Variants in CENPI observed in about 807,000 individuals in gnomAD.
The protein encoded by CENPI is centromere protein I.
CENPI carries 4 observed loss-of-function variants against 60.4 expected under a neutral mutation model. The observed-to-expected ratio is 0.07, with a 90% CI of 0.03 to 0.15. CENPI has a LOEUF of 0.15. Ranked by LOEUF, CENPI falls within the 10% of genes least tolerant of loss-of-function variation. The pLI is 1.00. For synonymous variants in CENPI, 157 were observed against 189.4 expected, an observed-to-expected ratio of 0.83 and a Z score of 1.40; for missense variants, 444 against 534.5, an observed-to-expected ratio of 0.83 and a Z score of 1.67.
At chrX:101,102,496 T>TAC (rs35162075) in intron 4 of CENPI, 85 bp downstream of exon 4, 26,917 of 248,517 alleles carry the variant, frequency 0.11, 1,138 homozygotes, top group African/African-American at 0.16. Flanking sequence ...TATATATATA[T>TAC]ACACACACAC....
intron 4 of CENPI, among the ~76,000 whole-genome samples, chrX:101,104,784 C>T (rs2089464023): frequency 9.2e-6 from 1 of 108,476 alleles, no homozygotes; most frequent in Non-Finnish European, 1.9e-5. Context: ...CACTTGAGCC[C>T]AGGAGTTTGA....
At chrX:101,131,922 T>G (rs1031745678) in intron 13 of CENPI, among the ~76,000 whole-genome samples, 2 of 112,066 alleles carry the variant, frequency 1.8e-5, no homozygotes, top group African/African-American at 6.5e-5. Flanking sequence ...TTTAAAAATA[T>G]TCTATAACTT....
At chrX:101,112,547 C>A (rs769339657) in intron 6 of CENPI, among the ~76,000 whole-genome samples, 8 of 112,239 alleles carry the variant, frequency 7.1e-5, no homozygotes, top group Non-Finnish European at 1.5e-4. Flanking sequence ...AAACTAATAT[C>A]CACAATTTTC....
At chrX:101,174,452 A>G in the CENPI span, among the ~76,000 whole-genome samples, 1 of 112,353 alleles carries the variant, frequency 8.9e-6, no homozygotes, top group South Asian at 3.7e-4. Context: ...TAAAGAAAAT[A>G]TGACACATAC....
chrX:101,109,849 A>G (rs1762142297), intron 5 of CENPI, 42 bp from the exon 6 acceptor site: 1 of 954,838 alleles, frequency 1.0e-6, no homozygotes, highest in Non-Finnish European at 1.5e-6. Context: ...CTTCTGTACC[A>G]GTTATATTTC....
At chrX:101,155,481 C>T (rs1000656827) in intron 20 of CENPI, among the ~76,000 whole-genome samples, 21 of 111,844 alleles carry the variant, frequency 1.9e-4, no homozygotes, top group African/African-American at 3.9e-4. Flanking sequence ...TGAGCCACCA[C>T]ACCTGGCCGA....
At chrX:101,120,117 TTTTG>T (rs1053191444) in intron 6 of CENPI, among the ~76,000 whole-genome samples, 7 of 112,281 alleles carry the variant, frequency 6.2e-5, no homozygotes, top group African/African-American at 1.9e-4. Flanking sequence ...ATACATTAAT[TTTTG>T]TTAGGTAGGA....
In CENPI at chrX:101,127,545, C is replaced by T; in HGVS notation, c.954C>T (p.Tyr318=). ...SVIPVLNSSS[Y]TKECGKKEMS... is the part of the protein sequence containing the mutation. ...TACCAGTGCTCAATTCCAGTAGCTA[C>T]ACTAAAGAATGTGGAAAAAAAGAGA... Residue 318 remains tyrosine, a synonymous_variant, in exon 11 of 22, where the codon TAC becomes TAT. Coordinates refer to ENST00000682095, the MANE Select transcript of CENPI (RefSeq NM_001386188.2). 8.3e-7 allele frequency: 1 copy of T among 1,198,108 alleles called. No homozygotes were observed.
intron 8 of CENPI, among the ~76,000 whole-genome samples, chrX:101,125,076 A>C (rs1310741168): frequency 9.0e-6 from 1 of 111,080 alleles, no homozygotes; most frequent in Non-Finnish European, 1.9e-5. Context: ...CAGTATAGTG[A>C]AGGAATTTGG....
intron 20 of CENPI, among the ~76,000 whole-genome samples, chrX:101,159,114 G>A (rs1410025888): frequency 1.8e-5 from 2 of 111,499 alleles, no homozygotes; most frequent in African/African-American, 6.5e-5. Context: ...TATTGCAGTG[G>A]TAGAACAGAT....
chrX:101,175,121 A>T, the CENPI span, among the ~76,000 whole-genome samples: 1 of 112,367 alleles, frequency 8.9e-6, no homozygotes, highest in Non-Finnish European at 1.9e-5. Context: ...CAACAACAAA[A>T]AAAACCAAGT....
intron 4 of CENPI, among the ~76,000 whole-genome samples, chrX:101,109,067 G>A (rs1191569667): frequency 9.8e-6 from 1 of 102,457 alleles, no homozygotes; most frequent in Admixed American, 1.1e-4. Flanking sequence ...TATAACGTGA[G>A]GTGTGGTGTT....
At chrX:101,135,436 A>G (rs1246339147) in intron 15 of CENPI, among the ~76,000 whole-genome samples, 1 of 111,688 alleles carries the variant, frequency 9.0e-6, no homozygotes, top group East Asian at 2.8e-4. Flanking sequence ...TAGTATGAAC[A>G]AAGGAGAAAG....
At position 101,149,637 on chromosome X, in the gene CENPI, G is replaced by A. The variant is rs749357351; in HGVS notation, c.2094+1476G>A. 3.7e-5 allele frequency among the ~76,000 whole-genome samples: 4 copies of A among 109,541 alleles called. No individual in the cohort carries two copies. In the Admixed American group the frequency reaches 4.0e-4, roughly 11 times the overall value. On this transcript the variant is annotated intron_variant, in intron 20 of 21. Transcript: ENST00000682095. ...TTCTCCTGCCTCAGCCTCCCGAATA[G>A]CTGGGATTACAAGTGCCCACCACCA...
At chrX:101,144,889 T>C (rs1435907613) in intron 16 of CENPI, among the ~76,000 whole-genome samples, 175 bp from the exon 17 acceptor site, 2 of 112,113 alleles carry the variant, frequency 1.8e-5, no homozygotes, top group Non-Finnish European at 3.7e-5. Context: ...CCTGGAGGGC[T>C]AAGTGTAGTT....
At chrX:101,159,553 A>T (rs2090087741) in intron 20 of CENPI, among the ~76,000 whole-genome samples, 1 of 105,448 alleles carries the variant, frequency 9.5e-6, no homozygotes, top group Admixed American at 1.0e-4. Flanking sequence ...CCGCCTCCCG[A>T]GTTCAAGTGA....
rs1569505174 is a variant in CENPI at position 101,165,308 on chromosome X, T to A, written c.*2341T>A. On this transcript the variant is annotated 3_prime_UTR_variant, in exon 22 of 22. Transcript: ENST00000682095. The stretch of plus-strand genomic sequence containing the variant: ...AGAGACTGGTTAGGTTATTATAGTG[T>A]CCTAGGTAACAGTTTTGGACAAGTG... Among the ~76,000 whole-genome samples, 1 of 111,854 alleles carries A rather than the reference T, an allele frequency of 8.9e-6. No individual in the cohort carries two copies. The highest frequency in any genetic ancestry group is 3.2e-5 in the African/African-American group (1 of 30,772).
intron 6 of CENPI, among the ~76,000 whole-genome samples, chrX:101,110,250 C>T (rs1006162292): frequency 2.7e-5 from 3 of 112,222 alleles, no homozygotes; most frequent in Non-Finnish European, 5.6e-5. Flanking sequence ...TTTATGTCTT[C>T]TTTTAAGGAA....
Position 101,142,126 on chromosome X carries a change from C to T in CENPI, c.1565+1366C>T, listed in dbSNP as rs148125499. On this transcript the variant is annotated intron_variant, in intron 16 of 21. Coordinates refer to ENST00000682095, the MANE Select transcript of CENPI (RefSeq NM_001386188.2). ...CCCATATTTGTTCGTTCTCTATTCC[C>T]TGGATCAGCAGGAGATTTAACAAAA... 4.4e-3 allele frequency among the ~76,000 whole-genome samples: 494 copies of T among 111,903 alleles called. 2 individuals are homozygous for T. The highest frequency in any genetic ancestry group is 0.015 in the African/African-American group (466 of 30,796).
Sources: allele counts gnomAD v4.1 joint callset (sites outside exome capture counted in the v4.1 genomes callset), GRCh38; gene constraint gnomAD v4.1.1; transcripts MANE v1.5; gene names NCBI Gene and HGNC (gene_info 2026-07-23, HGNC 2026-07-21).